The following PRKG1 variants were observed in gnomAD, a reference collection of about 807,000 sequenced individuals.
The protein encoded by PRKG1 is cGMP-dependent protein kinase 1.
A neutral mutation model predicts 88.1 loss-of-function variants in PRKG1; 35 were observed. The ratio of observed to expected loss-of-function variants is 0.40; its 90% CI spans 0.30 to 0.53. The LOEUF is 0.53. Ranked by LOEUF, PRKG1 falls within the 20% of genes least tolerant of loss-of-function variation. The pLI, the probability that PRKG1 is intolerant of heterozygous loss-of-function variation, is 0.59. For synonymous variants in PRKG1, 303 were observed against 292.5 expected (o/e 1.04, Z -0.37); for missense variants, 540 against 839.8 (o/e 0.64, Z 4.41).
intron 1 of PRKG1, among the ~76,000 whole-genome samples, chr10:51,100,428 A>G (rs1844650250): frequency 6.6e-6 from 1 of 152,172 alleles, no homozygotes; most frequent in Non-Finnish European, 1.5e-5. Context: ...TGAGATATCC[A>G]TTTCCTGATT....
chr10:51,944,038 C>T (rs1842969507), intron 5 of PRKG1, among the ~76,000 whole-genome samples: 1 of 151,894 alleles, frequency 6.6e-6, no homozygotes, highest in Non-Finnish European at 1.5e-5. Flanking sequence ...GGTACCAGTT[C>T]CTCCTTGTAC....
chr10:51,072,208 A>G (rs1843842013), upstream of PRKG1, among the ~76,000 whole-genome samples: 3 of 31,222 alleles, frequency 9.6e-5, no homozygotes, highest in African/African-American at 9.6e-4. Flanking sequence ...AAACAAACAC[A>G]CAAACAAACA....
chr10:51,885,187 T>C (rs909033624), intron 4 of PRKG1, among the ~76,000 whole-genome samples: 1 of 152,208 alleles, frequency 6.6e-6, no homozygotes, highest in African/African-American at 2.4e-5. Context: ...GATGTTAACC[T>C]AGGTAAAACA....
intron 3 of PRKG1, among the ~76,000 whole-genome samples, chr10:51,780,366 T>C (rs1006045157): frequency 6.6e-6 from 1 of 152,122 alleles, no homozygotes; most frequent in Non-Finnish European, 1.5e-5. Flanking sequence ...TGGAATACAA[T>C]TTGGATGCTG....
chr10:51,546,014 A>C (rs1314137448), intron 3 of PRKG1, among the ~76,000 whole-genome samples: 1 of 150,980 alleles, frequency 6.6e-6, no homozygotes, highest in South Asian at 2.1e-4. Flanking sequence ...TTAGTAACTC[A>C]GTGGTTAAAT....
At chr10:51,396,203 T>C (rs1333653045) in intron 2 of PRKG1, among the ~76,000 whole-genome samples, 1 of 152,060 alleles carries the variant, frequency 6.6e-6, no homozygotes, top group Non-Finnish European at 1.5e-5. Flanking sequence ...CTGGGTTTCA[T>C]AGTGAGACCG....
chr10:51,850,597 A>G (rs899035748), intron 4 of PRKG1, among the ~76,000 whole-genome samples: 4 of 152,250 alleles, frequency 2.6e-5, no homozygotes, highest in Middle Eastern at 6.9e-3. Flanking sequence ...TTTGCATTAC[A>G]TATCATAAAG....
intron 2 of PRKG1, among the ~76,000 whole-genome samples, chr10:51,177,352 G>A (rs41403246): frequency 0.056 from 8,515 of 152,242 alleles, 459 homozygotes; most frequent in African/African-American, 0.14. Context: ...TAAGATCTAA[G>A]TAACTCTTTG....
intron 2 of PRKG1, among the ~76,000 whole-genome samples, chr10:51,186,305 CTT>C (rs1837485701): frequency 6.6e-6 from 1 of 151,358 alleles, no homozygotes; most frequent in Non-Finnish European, 1.5e-5. Flanking sequence ...ATCTGTTTCT[CTT>C]GGTGTTTTTT....
At position 52,282,142 on chromosome 10, in the gene PRKG1, C is replaced by T. The variant is rs763832006; in HGVS notation, c.1546-11C>T. ...AGGAGCTTAAGTATCTTGTTTTTCT[C>T]TCTTTGTAAGGTTGATTTTGGCTTT... On this transcript the variant is annotated splice_polypyrimidine_tract_variant and intron_variant, in intron 13 of 17. Transcript: ENST00000373980. The T allele has an allele frequency of 7.6e-6, 12 of 1,578,104 alleles. No homozygotes were observed. In the African/African-American group the frequency reaches 1.6e-4, roughly 22 times the overall value.
At chr10:52,248,890 C>T in intron 9 of PRKG1, among the ~76,000 whole-genome samples, 1 of 39,748 alleles carries the variant, frequency 2.5e-5, no homozygotes, top group Admixed American at 3.3e-4. Context: ...TCTTCTTTTC[C>T]TTCCTTTCCT....
chr10:51,872,117 T>C (rs1841173580), intron 4 of PRKG1, among the ~76,000 whole-genome samples: 1 of 152,192 alleles, frequency 6.6e-6, no homozygotes, highest in African/African-American at 2.4e-5. Flanking sequence ...GCCTCTCCTC[T>C]GCACCTGAAG....
intron 1 of PRKG1, among the ~76,000 whole-genome samples, chr10:51,010,787 C>T (rs1842984844): frequency 6.6e-6 from 1 of 152,132 alleles, no homozygotes; most frequent in Non-Finnish European, 1.5e-5. Context: ...ACTCAGTTTT[C>T]CAAAGTGATG....
intron 2 of PRKG1, among the ~76,000 whole-genome samples, chr10:51,186,965 T>TATATATATAC (rs1564631512): frequency 6.9e-6 from 1 of 145,432 alleles, no homozygotes; most frequent in African/African-American, 2.5e-5. Context: ...TATATATATA[T>TATATATATAC]ATATATATAT....
intron 5 of PRKG1, among the ~76,000 whole-genome samples, chr10:51,953,158 G>A (rs1311780993): frequency 6.6e-6 from 1 of 152,196 alleles, no homozygotes; most frequent in Non-Finnish European, 1.5e-5. Context: ...AATGATGGCT[G>A]CAGAAAAGGC....
chr10:51,302,797 G>C (rs1266335693), intron 2 of PRKG1: 1 of 152,114 alleles, frequency 6.6e-6, no homozygotes, highest in South Asian at 2.1e-4. Flanking sequence ...AGCATATGCT[G>C]TACATATGAC....
intron 3 of PRKG1, among the ~76,000 whole-genome samples, chr10:51,713,092 A>G (rs1589225300): frequency 1.3e-5 from 2 of 152,184 alleles, no homozygotes; most frequent in East Asian, 3.9e-4. Flanking sequence ...TTCATTAAGG[A>G]AAATCATTAA....
At chr10:51,563,392 A>G (rs1225575541) in intron 3 of PRKG1, among the ~76,000 whole-genome samples, 1 of 152,150 alleles carries the variant, frequency 6.6e-6, no homozygotes, top group African/African-American at 2.4e-5. Context: ...GTGTATGGAA[A>G]CACTATGTAC....
intron 5 of PRKG1, among the ~76,000 whole-genome samples, chr10:51,993,608 T>C (rs1329148503): frequency 2.0e-5 from 3 of 152,304 alleles, no homozygotes; most frequent in Admixed American, 2.0e-4. Flanking sequence ...CACTGGGTCA[T>C]ACTGAGGATT....
Sources: allele counts gnomAD v4.1 joint callset (sites outside exome capture counted in the v4.1 genomes callset), GRCh38; gene constraint gnomAD v4.1.1; transcripts MANE v1.5; gene names NCBI Gene and HGNC (gene_info 2026-07-23, HGNC 2026-07-21).